NOP9: variants seen among roughly 807,000 people sequenced by gnomAD.
NOP9 encodes NOP9 nucleolar protein.
In NOP9, 50 loss-of-function variants were observed where a neutral mutation model predicts 63.0. The ratio of observed to expected loss-of-function variants is 0.79; its 90% confidence interval spans 0.63 to 1.00. NOP9 has a LOEUF of 1.00. Among genes scored for constraint, NOP9 ranks in the 50% least tolerant of loss-of-function variants. The pLI is 0.00. For missense variants in NOP9, 758 were observed against 803.0 expected (o/e 0.94, Z 0.68); for synonymous variants, 343 against 332.8 (o/e 1.03, Z -0.33).
At chr14:24,279,073 C>G in the NOP9 span, among the ~76,000 whole-genome samples, 3 of 152,138 alleles carry the variant, frequency 2.0e-5, no homozygotes, top group African/African-American at 7.2e-5. Flanking sequence ...ATAATTAAAG[C>G]TAATTATTCT....
upstream of NOP9, chr14:24,296,375 A>G: frequency 1.2e-6 from 1 of 844,888 alleles, no homozygotes; most frequent in Non-Finnish European, 1.9e-6. Flanking sequence ...GGTAAGTGGG[A>G]CAAATGGAAT....
chr14:24,296,684 G>A (rs1371218357), upstream of NOP9: 2 of 1,613,766 alleles, frequency 1.2e-6, no homozygotes, highest in Admixed American at 1.7e-5. Flanking sequence ...GAAGATGCAG[G>A]GGTCTGAGGG....
At position 24,300,472 on chromosome 14, in the gene NOP9, G is replaced by A. The variant is rs2041350663; in HGVS notation, c.312G>A (p.Arg104=). 6.2e-7 allele frequency: 1 copy of A among 1,614,094 alleles called. No individual in the cohort carries two copies. Among genetic ancestry groups the A allele is most frequent in the African/African-American group, 1.3e-5 (1 of 74,944 alleles). ...ETQALALSTN[R]TGSEMLQELL... ...AGGCCCTAGCTTTGTCCACGAACAG[G>A]ACTGGCAGTGAGATGCTGCAGGAAC... Residue 104 remains arginine, a synonymous_variant, in exon 2 of 10, where the codon AGG becomes AGA. Coordinates refer to ENST00000267425, the MANE Select transcript of NOP9 (RefSeq NM_174913.3).
chr14:24,300,929 A>G (rs967524733), intron 2 of NOP9, 72 bp downstream of exon 2: 13 of 1,243,698 alleles, frequency 1.0e-5, no homozygotes, highest in Admixed American at 4.3e-5. Flanking sequence ...GACAGTAAAC[A>G]GAAGAGTAAG....
chr14:24,300,081 C>G lies in NOP9; in HGVS notation c.127C>G (p.Pro43Ala), dbSNP rs778587952. 6.2e-7 allele frequency: 1 copy of G among 1,612,916 alleles called. No homozygotes were observed. Among genetic ancestry groups the G allele is most frequent in the Non-Finnish European group, 8.5e-7 (1 of 1,179,828 alleles). ...CCGTAAGCGGCAACCCTGGCCGCCT[C>G]CGGATGGGCGCTCGGAGCCGGCTCC... ...PGRKRQPWPP[P>A]DGRSEPAPDS... Residue 43 changes from proline to alanine, a missense_variant, in exon 1 of 10, where the codon CCG (proline) becomes GCG (alanine). Physicochemically the swap from Pro to Ala is conservative, Grantham distance 27. Transcript: ENST00000267425.
upstream of NOP9, chr14:24,299,777 A>G (rs1194477551): frequency 5.6e-6 from 4 of 720,688 alleles, no homozygotes; most frequent in African/African-American, 7.2e-5. Flanking sequence ...GGGCGGAGCG[A>G]TCTGGGTGAC....
the NOP9 span, chr14:24,291,991 G>T: frequency 1.3e-5 from 9 of 713,506 alleles, no homozygotes; most frequent in Admixed American, 2.3e-4. Flanking sequence ...AACCTCTCTG[G>T]GTTTCAGTTT....
In NOP9 at chr14:24,300,643, A is replaced by AG; in HGVS notation, c.484dup (p.Glu162GlyfsTer28). 7.0e-6 allele frequency: 11 copies of AG among 1,577,178 alleles called. No homozygotes were observed. Among genetic ancestry groups the AG allele is most frequent in the African/African-American group, 2.7e-5 (2 of 73,128 alleles). ...TCCCTCGATTGCTGGGGAGTGCTGC[A>AG]GAGGAGGAGGAGGAGGAGGAGGAGG... On this transcript the variant is annotated frameshift_variant, in exon 2 of 10. Coordinates refer to ENST00000267425, the MANE Select transcript of NOP9 (RefSeq NM_174913.3). LOFTEE classifies it high-confidence loss of function.
chr14:24,300,746 G>C lies in NOP9; in HGVS notation c.586G>C (p.Val196Leu), dbSNP rs1439556614. The change falls in exon 2 of 10, where the codon GTC (valine) becomes CTC (leucine). Residue 196 changes from valine (V) to leucine (L), a missense_variant. Coordinates refer to ENST00000267425, the MANE Select transcript of NOP9 (RefSeq NM_174913.3). ...CGCTGAGGTGTGTGATGATTTTCTTGTCTACTGTGGAGACACACATGGCAG... is the reference window on the plus strand; with the variant it reads ...CGCTGAGGTGTGTGATGATTTTCTTCTCTACTGTGGAGACACACATGGCAG... ...LAAEVCDDFL[V>L]YCGDTHGSFV... The C allele has an allele frequency of 2.5e-6, 4 of 1,614,188 alleles. No individual in the cohort carries two copies. In the South Asian group the frequency reaches 4.4e-5, roughly 18 times the overall value.
rs376261217 is a variant in NOP9, at chr14:24,304,929, C to T, written c.1754-9C>T. On this transcript the variant is annotated splice_polypyrimidine_tract_variant and intron_variant, in intron 9 of 9. Coordinates refer to ENST00000267425, the MANE Select transcript of NOP9 (RefSeq NM_174913.3). ...TGGTAGTACTAAACATGAGTGGTTC[C>T]CTTTGCAGGGGAGCAGAACCAGGAG... is the stretch of plus-strand genomic sequence containing the variant. 1.8e-4 allele frequency: 272 copies of T among 1,516,048 alleles called. No homozygotes were observed. Among genetic ancestry groups the T allele is most frequent in the Non-Finnish European group, 2.3e-4 (265 of 1,133,748 alleles). The allele number at this position is 1,516,048 out of a possible 1,614,324, so 93.9% of individuals were successfully genotyped here. A position where few individuals can be genotyped will look rare whatever the true frequency, so the allele number is the denominator to read the frequency against.
At chr14:24,298,728 T>G (rs567588151), upstream of NOP9, 1 of 494,584 alleles carries the variant, frequency 2.0e-6, no homozygotes, top group East Asian at 3.8e-5. Flanking sequence ...TGCAGGAACG[T>G]GCCACCATGC....
chr14:24,288,855 G>GT, the NOP9 span, among the ~76,000 whole-genome samples: 1 of 151,884 alleles, frequency 6.6e-6, no homozygotes, highest in South Asian at 2.1e-4. Context: ...TTTGTTTTTT[G>GT]TTTTTTTGAG....
rs761967030 is a variant in NOP9 at position 24,301,724 on chromosome 14, T to G, written c.808+2T>G. On this transcript the variant is annotated splice_donor_variant, in intron 3 of 9. Coordinates refer to ENST00000267425, the MANE Select transcript of NOP9 (RefSeq NM_174913.3). LOFTEE classifies it high-confidence loss of function. ...CCTCCTTTCTGAAGGACATTGCAGGTAAGGAGGGAAGTAGGAGGATGGTCT... is the reference window on the plus strand; with the variant it reads ...CCTCCTTTCTGAAGGACATTGCAGGGAAGGAGGGAAGTAGGAGGATGGTCT... 1 of 1,613,996 alleles carries G rather than the reference T, an allele frequency of 6.2e-7. No homozygotes were observed. Among genetic ancestry groups the G allele is most frequent in the South Asian group, 1.1e-5 (1 of 91,084 alleles).
At chr14:24,299,731 G>T, upstream of NOP9, 1 of 520,302 alleles carries the variant, frequency 1.9e-6, no homozygotes, top group Non-Finnish European at 3.4e-6. Flanking sequence ...AGGTAGAGGG[G>T]CAGAGTCCCA....
chr14:24,299,896 G>A lies in NOP9; in HGVS notation c.-59G>A, dbSNP rs2041334481. 2.0e-6 allele frequency: 3 copies of A among 1,497,768 alleles called. No individual in the cohort carries two copies. In the Admixed American group the frequency reaches 7.0e-5, roughly 35 times the overall value. 92.8% of individuals were successfully genotyped at this position (1,497,768 alleles called of 1,614,324 possible). ...CTGGATAAGGCGCACGCTTGGCGACGTCGAAGGTCCGTCCGCAGTTAAGGA... is the reference window on the plus strand; with the variant it reads ...CTGGATAAGGCGCACGCTTGGCGACATCGAAGGTCCGTCCGCAGTTAAGGA... On this transcript the variant is annotated 5_prime_UTR_variant, in exon 1 of 10. Transcript: ENST00000267425.
upstream of NOP9, chr14:24,296,458 G>A (rs779719370): frequency 1.0e-5 from 16 of 1,581,354 alleles, no homozygotes; most frequent in Non-Finnish European, 1.3e-5. Flanking sequence ...CCTGGCCGTC[G>A]AGTTGGCTAA....
intron 1 of NOP9, 27 bp from the exon 2 acceptor site, chr14:24,300,381 C>G: frequency 6.3e-7 from 1 of 1,596,484 alleles, no homozygotes; most frequent in African/African-American, 1.3e-5. Flanking sequence ...TAAGTCTCTT[C>G]AAAGTGTGTC....
At chr14:24,296,920 T>A, upstream of NOP9, 1 of 1,612,310 alleles carries the variant, frequency 6.2e-7, no homozygotes, top group South Asian at 1.1e-5. Flanking sequence ...CATTCACACA[T>A]GGGTGTGAGT....
Position 24,306,188 on chromosome 14 carries a change from A to G in NOP9, c.*1093A>G. On this transcript the variant is annotated 3_prime_UTR_variant, in exon 10 of 10. Coordinates refer to ENST00000267425, the MANE Select transcript of NOP9 (RefSeq NM_174913.3). Reference sequence around the variant, plus strand: ...TAGATCCTCATACCAGACACCCACCACTAATCTCCATCAGCACTGGGTCAG... The same window carrying G: ...TAGATCCTCATACCAGACACCCACCGCTAATCTCCATCAGCACTGGGTCAG... The G allele has an allele frequency of 6.3e-7, 1 of 1,576,308 alleles. No individual in the cohort carries two copies. The highest frequency in any genetic ancestry group is 1.7e-5 in the Admixed American group (1 of 58,938).
Sources: allele counts gnomAD v4.1 joint callset (sites outside exome capture counted in the v4.1 genomes callset), GRCh38; gene constraint gnomAD v4.1.1; transcripts MANE v1.5; gene names NCBI Gene and HGNC (gene_info 2026-07-23, HGNC 2026-07-21).